The following MATN2 variants were observed in gnomAD, a reference collection of about 807,000 sequenced individuals.
MATN2 encodes matrilin 2.
MATN2 carries 69 observed loss-of-function variants against 103.2 expected under a neutral mutation model. The observed-to-expected ratio is 0.67, with a 90% CI of 0.55 to 0.82. The LOEUF (loss-of-function observed/expected upper bound fraction) is 0.82, where lower values mean the gene tolerates loss of function less well. MATN2 is among the 40% of genes least tolerant of loss of function. The pLI is 0.00. For missense variants in MATN2, 1,023 were observed against 1,211.5 expected (o/e 0.84, Z 2.31); for synonymous variants, 429 against 450.2 (o/e 0.95, Z 0.60).
rs140407990 is a variant in MATN2 at position 97,873,825 on chromosome 8, G to T, written c.-27+4538G>T. ...TTTTTTTTTACAGAGACAGGGTCTC[G>T]CCATGTTGTCCAGGCTGGTCTCGAA... On this transcript the variant is annotated intron_variant, in intron 1 of 18. Coordinates refer to ENST00000254898, the MANE Select transcript of MATN2 (RefSeq NM_002380.5). Among the ~76,000 whole-genome samples, 48 of 150,886 alleles carry T rather than the reference G, an allele frequency of 3.2e-4. No homozygotes were observed. The East Asian group carries it at 9.2e-3, about 29-fold the overall frequency.
At chr8:98,004,213 A>G (rs918076274) in intron 8 of MATN2, 5 of 183,186 alleles carry the variant, frequency 2.7e-5, no homozygotes, top group Admixed American at 1.1e-4. Flanking sequence ...ACTCGAACCT[A>G]GGAGGCAGAG....
At chr8:97,953,370 T>C (rs1811025350) in intron 4 of MATN2, among the ~76,000 whole-genome samples, 1 of 152,224 alleles carries the variant, frequency 6.6e-6, no homozygotes, top group Non-Finnish European at 1.5e-5. Context: ...CTAACATTTG[T>C]TGAATACTTA....
intron 2 of MATN2, among the ~76,000 whole-genome samples, chr8:97,924,916 T>G (rs891184957): frequency 7.2e-5 from 11 of 152,044 alleles, no homozygotes; most frequent in African/African-American, 2.7e-4. Flanking sequence ...GCTTGGTGGT[T>G]AAGAGTGCAG....
At chr8:97,947,364 AAACAAC>A (rs200832075) in intron 4 of MATN2, among the ~76,000 whole-genome samples, 1 of 152,200 alleles carries the variant, frequency 6.6e-6, no homozygotes, top group African/African-American at 2.4e-5. Context: ...CTCCGTCTCA[AAACAAC>A]AACAACAACA....
chr8:97,894,708 TA>T (rs1818750732), intron 2 of MATN2, among the ~76,000 whole-genome samples: 1 of 152,202 alleles, frequency 6.6e-6, no homozygotes, highest in Non-Finnish European at 1.5e-5. Context: ...CATGTATCTC[TA>T]AACCTGACAT....
intron 2 of MATN2, among the ~76,000 whole-genome samples, chr8:97,908,179 C>T (rs143142288): frequency 0.055 from 8,313 of 152,138 alleles, 244 homozygotes; most frequent in South Asian, 0.07. Flanking sequence ...ATCGCTTGAA[C>T]CCGGGAGGTG....
intron 6 of MATN2, among the ~76,000 whole-genome samples, chr8:97,991,632 G>A (rs192976761): frequency 7.9e-4 from 120 of 152,066 alleles, no homozygotes; most frequent in Middle Eastern, 3.4e-3. Flanking sequence ...TGAGGCAGGA[G>A]AATTGCTTGA....
chr8:97,902,090 TG>T (rs1408399622), intron 2 of MATN2, among the ~76,000 whole-genome samples: 2 of 152,044 alleles, frequency 1.3e-5, no homozygotes, highest in Non-Finnish European at 2.9e-5. Context: ...CTCGAACTCC[TG>T]GGCTCAAGCA....
At chr8:97,896,290 A>G (rs1010928483) in intron 2 of MATN2, among the ~76,000 whole-genome samples, 2 of 152,260 alleles carry the variant, frequency 1.3e-5, no homozygotes, top group Non-Finnish European at 2.9e-5. Context: ...GTTGAAGTCA[A>G]TGATCTCTCA....
In MATN2 at chr8:98,007,268, C is replaced by T; in HGVS notation, c.1450+41C>T. 1.2e-6 allele frequency: 2 copies of T among 1,611,786 alleles called. No homozygotes were observed. The highest frequency in any genetic ancestry group is 1.3e-5 in the African/African-American group (1 of 75,010). ...CTCCTCTCATAGGGGAAGGTTTGCA[C>T]CAGGAGTGAAACCTATGTGACTGCA... On this transcript the variant is annotated intron_variant, in intron 9 of 18. Transcript: ENST00000254898. This position sits in a 1 kb window ranked among gnomAD's most constrained non-coding sequence, Gnocchi z 4.2.
chr8:97,898,251 G>A (rs989064745), intron 2 of MATN2, among the ~76,000 whole-genome samples: 1 of 152,094 alleles, frequency 6.6e-6, no homozygotes, highest in Non-Finnish European at 1.5e-5. Context: ...TACCCCTAAG[G>A]AGCCAGTCCT....
At position 98,035,646 on chromosome 8, in the gene MATN2, T is replaced by TTGAGA; in HGVS notation, c.2816-9_2816-5dup. ...TAGACAATTCTTCATCTTCCTTAAT[T>TTGAGA]TGAGATTTACTAGAAGAAATGACAC... On this transcript the variant is annotated splice_polypyrimidine_tract_variant and intron_variant, in intron 18 of 18. Transcript: ENST00000254898. 1 of 1,530,326 alleles carries TTGAGA rather than the reference T, an allele frequency of 6.5e-7. No homozygotes were observed. Among genetic ancestry groups the TTGAGA allele is most frequent in the Non-Finnish European group, 9.0e-7 (1 of 1,113,792 alleles). The allele number at this position is 1,530,326 out of a possible 1,614,324, so 94.8% of individuals were successfully genotyped here. A position where few individuals can be genotyped will look rare whatever the true frequency, so the allele number is the denominator to read the frequency against.
chr8:97,900,784 A>G (rs964332051), intron 2 of MATN2, among the ~76,000 whole-genome samples: 2 of 151,996 alleles, frequency 1.3e-5, no homozygotes, highest in Non-Finnish European at 2.9e-5. Context: ...AAATACAAAA[A>G]ATTAGACGGG....
chr8:97,929,759 C>G (rs1311499714), intron 2 of MATN2, among the ~76,000 whole-genome samples: 1 of 152,170 alleles, frequency 6.6e-6, no homozygotes, highest in Admixed American at 6.5e-5. Flanking sequence ...AGATCTGAGT[C>G]CCCCTCTCAA....
intron 7 of MATN2, among the ~76,000 whole-genome samples, chr8:97,999,373 A>G (rs984775037): frequency 6.6e-6 from 1 of 152,232 alleles, no homozygotes; most frequent in Non-Finnish European, 1.5e-5. Context: ...AGGAACCGCC[A>G]TGCTGTTTTC....
intron 2 of MATN2, among the ~76,000 whole-genome samples, chr8:97,903,418 C>G (rs1819056688): frequency 6.6e-6 from 1 of 152,200 alleles, no homozygotes; most frequent in African/African-American, 2.4e-5. Context: ...GGAAGGGTAA[C>G]AGTAGAATCT....
chr8:98,028,925 G>A (rs1813910746), intron 14 of MATN2, among the ~76,000 whole-genome samples: 1 of 152,186 alleles, frequency 6.6e-6, no homozygotes, highest in Admixed American at 6.5e-5. Flanking sequence ...AGGACACACT[G>A]CTTTAGCAAG....
Position 97,874,440 on chromosome 8 carries a change from C to T in MATN2, c.-27+5153C>T, listed in dbSNP as rs1464454974. 4.1e-5 allele frequency among the ~76,000 whole-genome samples: 6 copies of T among 144,862 alleles called. No homozygotes were observed. The East Asian group carries it at 1.2e-3, about 29-fold the overall frequency. On this transcript the variant is annotated intron_variant, in intron 1 of 18. Transcript: ENST00000254898. Reference sequence around the variant, plus strand: ...TTTTTGTTTGAGACAAGGTTTTGCTCTGTCGCCCGGGCTATCATGCAGTGG... The same window carrying T: ...TTTTTGTTTGAGACAAGGTTTTGCTTTGTCGCCCGGGCTATCATGCAGTGG...
intron 4 of MATN2, chr8:97,950,732 A>G (rs911653311): frequency 6.6e-6 from 1 of 152,318 alleles, no homozygotes; most frequent in Non-Finnish European, 1.5e-5. Context: ...AGTTTATGAC[A>G]TCAGATAGGT....
Sources: gnomAD v4.1 joint callset for allele counts (sites outside exome capture counted in the v4.1 genomes callset) on GRCh38, gnomAD v4.1.1 for gene constraint, Gnocchi (gnomAD v3.1) non-coding constraint, MANE v1.5 for transcripts, NCBI Gene and HGNC (gene_info 2026-07-23, HGNC 2026-07-21) for gene names.